TBC1D2B: variants seen among roughly 807,000 people sequenced by gnomAD.
The protein encoded by TBC1D2B is TBC1 domain family member 2B, also known as TBC1 domain family, member 2B.
Under a neutral mutation model 100.8 loss-of-function variants are expected in TBC1D2B, and 64 were observed. That is an observed-to-expected ratio of 0.64 (90% CI 0.52 to 0.78). The LOEUF is 0.78. Among genes scored for constraint, TBC1D2B ranks in the 30% least tolerant of loss-of-function variants. The probability of loss-of-function intolerance (pLI) is 0.00; values close to 1 mark genes in which losing one functional copy is unlikely to be tolerated. For synonymous variants in TBC1D2B, 480 were observed against 479.7 expected, an observed-to-expected ratio of 1.00 and a Z score of -0.01; for missense variants, 1,052 against 1,218.4, an observed-to-expected ratio of 0.86 and a Z score of 2.03.
At chr15:78,040,884 G>GAAAAAGAAAGAAAGAA in intron 3 of TBC1D2B, among the ~76,000 whole-genome samples, 2 of 90,444 alleles carry the variant, frequency 2.2e-5, no homozygotes, top group East Asian at 4.7e-4. Context: ...GAAAGAAAGA[G>GAAAAAGAAAGAAAGAA]AGAGAGAGAG....
intron 2 of TBC1D2B, among the ~76,000 whole-genome samples, chr15:78,048,142 AACTCAG>A (rs765434267): frequency 5.9e-5 from 9 of 152,200 alleles, no homozygotes; most frequent in Non-Finnish European, 1.3e-4. Flanking sequence ...CTTCCTGAGG[AACTCAG>A]AGGCCCCAAG....
intron 1 of TBC1D2B, among the ~76,000 whole-genome samples, chr15:78,065,508 T>C (rs773381053): frequency 2.0e-5 from 3 of 152,108 alleles, no homozygotes; most frequent in Admixed American, 1.3e-4. Flanking sequence ...CAAAATACTT[T>C]CTGTTTCAGA....
In TBC1D2B at chr15:78,001,650, G is replaced by A. The variant is rs766140467; in HGVS notation, c.2665C>T (p.Arg889Cys). 15 of 1,608,586 alleles carry A rather than the reference G, an allele frequency of 9.3e-6. No homozygotes were observed. The highest frequency in any genetic ancestry group is 1.6e-4 in the Middle Eastern group (1 of 6,082). The part of the protein sequence containing the change: ...QDSMSIFKYL[R>C]YFTRTILDAR... ...TCAAGGATAGTGCGAGTGAAGTAGC[G>A]GAGATACTTAAATATAGACATCGAA... The change falls in exon 12 of 13, where the codon CGC becomes TGC. Residue 889 changes from arginine to cysteine, a missense_variant. This residue lies in a region of TBC1D2B where 373 missense variants were observed against 464.9 expected (regional missense o/e 0.80). Transcript: ENST00000300584.
chr15:78,066,438 G>C (rs1596330978), intron 1 of TBC1D2B, among the ~76,000 whole-genome samples: 1 of 152,116 alleles, frequency 6.6e-6, no homozygotes, highest in African/African-American at 2.4e-5. Flanking sequence ...GTTTCACAGG[G>C]AAGCCACAGA....
At position 78,054,202 on chromosome 15, in the gene TBC1D2B, G is replaced by C. The variant is rs2073373086; in HGVS notation, c.361-15C>G. ...CGATTGGGAGCCTAGAAAGAGGGAG[G>C]GGAAAAACATGTTATGGCCACCAGT... On this transcript the variant is annotated splice_polypyrimidine_tract_variant and intron_variant, in intron 1 of 12. Transcript: ENST00000300584. 6.8e-6 allele frequency: 11 copies of C among 1,606,128 alleles called. No individual in the cohort carries two copies. Among genetic ancestry groups the C allele is most frequent in the Non-Finnish European group, 9.3e-6 (11 of 1,176,980 alleles).
chr15:78,018,667 G>GGGCA (rs898438834), intron 6 of TBC1D2B, among the ~76,000 whole-genome samples: 21 of 152,162 alleles, frequency 1.4e-4, no homozygotes, highest in Admixed American at 3.3e-4. Context: ...GAGCAGGTCG[G>GGGCA]GGCAGGACAC....
At chr15:78,034,358 C>T in intron 3 of TBC1D2B, 1 of 312,010 alleles carries the variant, frequency 3.2e-6, no homozygotes, top group Non-Finnish European at 4.7e-6. Context: ...CACCGCTGGA[C>T]CCACTGCACC....
intron 1 of TBC1D2B, among the ~76,000 whole-genome samples, chr15:78,061,915 G>C (rs1292173534): frequency 2.6e-5 from 4 of 152,094 alleles, no homozygotes; most frequent in Non-Finnish European, 5.9e-5. Flanking sequence ...CAAGCAATGT[G>C]GCACAGCAGA....
chr15:78,000,202 G>A (rs2071873359), intron 12 of TBC1D2B, among the ~76,000 whole-genome samples: 1 of 152,240 alleles, frequency 6.6e-6, no homozygotes, highest in African/African-American at 2.4e-5. Context: ...AGGGGAGACC[G>A]TACCGCGAGC....
In TBC1D2B at chr15:78,024,528, T is replaced by C. The variant is rs767600894; in HGVS notation, c.1098A>G (p.Arg366=). 6.2e-7 allele frequency: 1 copy of C among 1,608,562 alleles called. No homozygotes were observed. The highest frequency in any genetic ancestry group is 8.5e-7 in the Non-Finnish European group (1 of 1,176,278). Residue 366 remains arginine, a synonymous_variant, in exon 6 of 13, where the codon CGA becomes CGG. Coordinates refer to ENST00000300584, the MANE Select transcript of TBC1D2B (RefSeq NM_144572.2). The part of the protein sequence containing the change: ...KDLSSQKELV[R]LLQQTVRSSQ... ...ATGACCGGACTGTCTGCTGGAGCAG[T>C]CGAACAAGCTCCTGGGAGCCAAAAG...
At chr15:78,033,517 C>G (rs190925564) in intron 3 of TBC1D2B, among the ~76,000 whole-genome samples, 63 of 152,236 alleles carry the variant, frequency 4.1e-4, no homozygotes, top group African/African-American at 1.5e-3. Flanking sequence ...AAGGGATCAA[C>G]CGCAAAGGAA....
chr15:77,998,140 G>A lies in TBC1D2B; in HGVS notation c.*20C>T. ...CACACTTTGGTTGTGAAGGAAGGAA[G>A]AGCAGCATCCCGAGCCCACTCAGGT... is the stretch of plus-strand genomic sequence containing the variant. On this transcript the variant is annotated 3_prime_UTR_variant, in exon 13 of 13. Transcript: ENST00000300584. 6.7e-7 allele frequency: 1 copy of A among 1,494,500 alleles called. No individual in the cohort carries two copies. Among genetic ancestry groups the A allele is most frequent in the African/African-American group, 1.4e-5 (1 of 70,964 alleles). 92.6% of individuals were successfully genotyped at this position (1,494,500 alleles called of 1,614,324 possible).
intron 1 of TBC1D2B, among the ~76,000 whole-genome samples, chr15:78,072,541 G>T (rs1342462270): frequency 6.6e-6 from 1 of 152,202 alleles, no homozygotes; most frequent in Admixed American, 6.5e-5. Context: ...GTCATTAAGA[G>T]AAATTTCAAC....
chr15:78,034,827 T>A, intron 3 of TBC1D2B: 1 of 805,692 alleles, frequency 1.2e-6, no homozygotes, highest in Non-Finnish European at 1.5e-6. Context: ...TTTGCTCTTA[T>A]GTGGCAAAAC....
chr15:78,033,816 G>T (rs976837501), intron 3 of TBC1D2B, among the ~76,000 whole-genome samples: 3 of 152,186 alleles, frequency 2.0e-5, no homozygotes, highest in African/African-American at 7.2e-5. Context: ...ATGTAAAACA[G>T]TCATTTCTCA....
rs80122442 is a variant in TBC1D2B, at chr15:78,033,790, G to C, written c.684-3620C>G. Among the ~76,000 whole-genome samples the C allele has an allele frequency of 7.0e-4, 107 of 152,334 alleles. 1 individual carries two copies. The East Asian group carries it at 0.02, about 28-fold the overall frequency. On this transcript the variant is annotated intron_variant, in intron 3 of 12. Coordinates refer to ENST00000300584, the MANE Select transcript of TBC1D2B (RefSeq NM_144572.2). ...GTGGCTTTACCTCTAGTTTGAATCAGACAGATGATATTCTCATGTAAAACA... is the reference window on the plus strand; with the variant it reads ...GTGGCTTTACCTCTAGTTTGAATCACACAGATGATATTCTCATGTAAAACA...
chr15:78,066,705 C>T (rs778789591), intron 1 of TBC1D2B, among the ~76,000 whole-genome samples: 2 of 152,200 alleles, frequency 1.3e-5, no homozygotes, highest in Non-Finnish European at 2.9e-5. Flanking sequence ...GCTGTGTAAA[C>T]AGTATAAAAA....
At chr15:78,033,604 T>G (rs2072872549) in intron 3 of TBC1D2B, among the ~76,000 whole-genome samples, 1 of 152,220 alleles carries the variant, frequency 6.6e-6, no homozygotes, top group East Asian at 1.9e-4. Context: ...TGTGTATAAT[T>G]TCTTAAATTC....
Position 78,012,930 on chromosome 15 carries a change from G to T in TBC1D2B, c.2163C>A (p.Asn721Lys). The stretch of plus-strand genomic sequence containing the variant: ...CTGAGGTGGGGCAGGAGTAATGTTT[G>T]TTGTTGGGCAGAGTTCGCAGCAAGT... ...ELDLLRTLPN[N>K]KHYSCPTSEG... The change falls in exon 9 of 13, where the codon AAC becomes AAA. Residue 721 changes from asparagine (N) to lysine (K), a missense_variant. Transcript: ENST00000300584. The T allele has an allele frequency of 1.3e-6, 2 of 1,551,932 alleles. No individual in the cohort carries two copies. The highest frequency in any genetic ancestry group is 1.7e-6 in the Non-Finnish European group (2 of 1,146,980).
Sources: allele counts gnomAD v4.1 joint callset (sites outside exome capture counted in the v4.1 genomes callset), GRCh38; gene constraint gnomAD v4.1.1; regional missense constraint gnomAD v4.1.1; transcripts MANE v1.5; gene names NCBI Gene and HGNC (gene_info 2026-07-23, HGNC 2026-07-21).